CNTN1: variants seen among roughly 807,000 people sequenced by gnomAD.
The protein encoded by CNTN1 is contactin-1.
A neutral mutation model predicts 126.4 loss-of-function variants in CNTN1; 38 were observed. The observed-to-expected ratio is 0.30, with a 90% CI of 0.23 to 0.39. The LOEUF (loss-of-function observed/expected upper bound fraction) is 0.39, where lower values mean the gene tolerates loss of function less well. Ranked by LOEUF, CNTN1 falls within the 10% of genes least tolerant of loss-of-function variation. The pLI, the probability that CNTN1 is intolerant of heterozygous loss-of-function variation, is 1.00. For missense variants in CNTN1, 1,009 were observed against 1,248.4 expected (o/e 0.81, Z 2.89); for synonymous variants, 413 against 422.6 (o/e 0.98, Z 0.28).
intron 14 of CNTN1, among the ~76,000 whole-genome samples, chr12:40,948,263 T>TTC (rs1566014723): frequency 2.1e-5 from 3 of 140,820 alleles, no homozygotes; most frequent in Non-Finnish European, 3.1e-5. Flanking sequence ...TCTTTCTTTT[T>TTC]TTTTTTTTTT....
chr12:40,829,216 T>C (rs1357160014), intron 1 of CNTN1, among the ~76,000 whole-genome samples: 1 of 152,092 alleles, frequency 6.6e-6, no homozygotes, highest in Non-Finnish European at 1.5e-5. Flanking sequence ...TAAGTAAAAT[T>C]CTTTAAGGCT....
chr12:40,709,278 TG>T, intron 1 of CNTN1, among the ~76,000 whole-genome samples: 1 of 152,318 alleles, frequency 6.6e-6, no homozygotes, highest in Admixed American at 6.5e-5. Context: ...TTGAAAAGAT[TG>T]TTTTTTTTCT....
At chr12:40,750,656 T>TA (rs1268922043) in intron 1 of CNTN1, among the ~76,000 whole-genome samples, 1 of 150,736 alleles carries the variant, frequency 6.6e-6, no homozygotes, top group African/African-American at 2.4e-5. Context: ...AAATAAAAAA[T>TA]AAAAAATAAA....
At chr12:40,808,693 G>C (rs572594389) in intron 1 of CNTN1, among the ~76,000 whole-genome samples, 1 of 152,136 alleles carries the variant, frequency 6.6e-6, no homozygotes, top group East Asian at 1.9e-4. Flanking sequence ...ACAAACCACT[G>C]GTTCTAAGCC....
At chr12:40,796,252 G>A (rs1004697791) in intron 1 of CNTN1, among the ~76,000 whole-genome samples, 1 of 152,038 alleles carries the variant, frequency 6.6e-6, no homozygotes, top group Admixed American at 6.6e-5. Flanking sequence ...GTGATGACCA[G>A]CTCTAAGAAA....
At chr12:40,936,936 G>T (rs755620781) in intron 10 of CNTN1, 31 bp downstream of exon 10, 1 of 1,611,356 alleles carries the variant, frequency 6.2e-7, no homozygotes, top group South Asian at 1.1e-5. Context: ...TGCTGTTCCT[G>T]AGTCCCTGTT....
intron 4 of CNTN1, among the ~76,000 whole-genome samples, chr12:40,921,930 G>C (rs1266234435): frequency 1.3e-5 from 2 of 152,060 alleles, no homozygotes. Context: ...AATCTAACTG[G>C]TGCATAGATG....
intron 1 of CNTN1, among the ~76,000 whole-genome samples, chr12:40,737,324 GGAGT>G (rs1431964894): frequency 8.1e-6 from 1 of 123,992 alleles, no homozygotes; most frequent in Non-Finnish European, 1.7e-5. Context: ...CATATACATG[GGAGT>G]GTGTGTGTGT....
intron 21 of CNTN1, among the ~76,000 whole-genome samples, chr12:41,027,155 TTTAGAGACTCAAGTAGAAA>T (rs1427591941): frequency 6.6e-6 from 1 of 152,082 alleles, no homozygotes; most frequent in African/African-American, 2.4e-5. Flanking sequence ...TGAGAAATCT[TTTAGAGACTCAAGTAGAAA>T]TAGGCTGATA....
At chr12:40,932,027 T>C (rs540625355) in intron 7 of CNTN1, among the ~76,000 whole-genome samples, 1 of 151,926 alleles carries the variant, frequency 6.6e-6, no homozygotes, top group Admixed American at 6.6e-5. Flanking sequence ...TCTGAGACTG[T>C]CTTCTATATT....
At chr12:40,885,691 A>C (rs1344730078) in intron 1 of CNTN1, among the ~76,000 whole-genome samples, 1 of 152,054 alleles carries the variant, frequency 6.6e-6, no homozygotes. Flanking sequence ...TTGTTCCAAA[A>C]TAGTCTTAAT....
chr12:40,885,627 T>A (rs960649927), intron 1 of CNTN1, among the ~76,000 whole-genome samples: 1 of 152,044 alleles, frequency 6.6e-6, no homozygotes, highest in Admixed American at 6.6e-5. Flanking sequence ...CCAATGAGAA[T>A]TAAATGTATT....
chr12:40,843,963 C>T (rs544712824), intron 1 of CNTN1, among the ~76,000 whole-genome samples: 33 of 151,490 alleles, frequency 2.2e-4, no homozygotes, highest in African/African-American at 7.0e-4. Context: ...TAAATATTTT[C>T]ACATAGATAT....
At chr12:40,971,414 C>A (rs1286228647) in intron 15 of CNTN1, 2 of 1,589,762 alleles carry the variant, frequency 1.3e-6, no homozygotes, top group Non-Finnish European at 1.7e-6. Flanking sequence ...TCCCTTCAGC[C>A]TTGATCTTTC....
At chr12:40,818,524 A>C (rs532390296) in intron 1 of CNTN1, among the ~76,000 whole-genome samples, 7 of 152,238 alleles carry the variant, frequency 4.6e-5, no homozygotes, top group Admixed American at 2.0e-4. Flanking sequence ...CCATCATGTA[A>C]TTTATATTCC....
chr12:41,013,252 G>C (rs1355191291), intron 17 of CNTN1, among the ~76,000 whole-genome samples: 1 of 152,106 alleles, frequency 6.6e-6, no homozygotes, highest in African/African-American at 2.4e-5. Flanking sequence ...CTGTACATGT[G>C]GCTGAGAAAG....
In CNTN1 at chr12:40,837,838, C is replaced by A. The variant is rs189854419; in HGVS notation, c.-76-70519C>A. On this transcript the variant is annotated intron_variant, in intron 1 of 23. Coordinates refer to ENST00000551295, the MANE Select transcript of CNTN1 (RefSeq NM_001843.4). ...GCAAGTTGACACTGAGACATGGATG[C>A]CAGCTGGGTGGACACTCCTGTAGCC... is the stretch of plus-strand genomic sequence containing the variant. 3.3e-5 allele frequency among the ~76,000 whole-genome samples: 5 copies of A among 152,252 alleles called. No homozygotes were observed. The East Asian group carries it at 9.7e-4, about 29-fold the overall frequency.
chr12:40,903,137 A>T (rs1944667773), intron 1 of CNTN1, among the ~76,000 whole-genome samples: 1 of 152,204 alleles, frequency 6.6e-6, no homozygotes, highest in Non-Finnish European at 1.5e-5. Flanking sequence ...TCCATCAGTC[A>T]TGGAGACCCA....
intron 6 of CNTN1, among the ~76,000 whole-genome samples, chr12:40,927,060 C>T (rs1945720866): frequency 6.6e-6 from 1 of 151,626 alleles, no homozygotes; most frequent in Admixed American, 6.6e-5. Flanking sequence ...ATTTATGATT[C>T]ATCATTCAAT....
Sources: gnomAD v4.1 joint callset for allele counts (sites outside exome capture counted in the v4.1 genomes callset) on GRCh38, gnomAD v4.1.1 for gene constraint, MANE v1.5 for transcripts, NCBI Gene and HGNC (gene_info 2026-07-23, HGNC 2026-07-21) for gene names.